The following STIL variants were observed in gnomAD, a reference collection of about 807,000 sequenced individuals.
The protein encoded by STIL is SCL-interrupting locus protein.
STIL carries 55 observed loss-of-function variants against 110.1 expected under a neutral mutation model. The ratio of observed to expected loss-of-function variants is 0.50; its 90% CI spans 0.40 to 0.63. STIL has a LOEUF of 0.63. Ranked by LOEUF, STIL falls within the 20% of genes least tolerant of loss-of-function variation. The pLI, the probability that STIL is intolerant of heterozygous loss-of-function variation, is 0.00. For missense variants in STIL, 1,358 were observed against 1,530.0 expected, an observed-to-expected ratio of 0.89 and a Z score of 1.87; for synonymous variants, 481 against 530.0, an observed-to-expected ratio of 0.91 and a Z score of 1.27.
At position 47,259,446 on chromosome 1, in the gene STIL, G is replaced by A. The variant is rs781190013; in HGVS notation, c.3080+843C>T. The stretch of plus-strand genomic sequence containing the variant: ...GCTGAGATTACAGGCGCCCGCCACC[G>A]CACCCATCTAATTTTTGTATTTTTA... On this transcript the variant is annotated intron_variant, in intron 16 of 16. Transcript: ENST00000371877. 1.1e-4 allele frequency among the ~76,000 whole-genome samples: 16 copies of A among 150,130 alleles called. No individual in the cohort carries two copies. In the East Asian group the frequency reaches 2.2e-3, roughly 20 times the overall value.
At position 47,251,561 on chromosome 1, in the gene STIL, T is replaced by C. The variant is rs1410535020; in HGVS notation, c.3442A>G (p.Ser1148Gly). ...DEEEPPDNAD[S>G]KSEYLLNQNL... ...TGATTCAATAAATATTCACTCTTGC[T>C]ATCTGCATTGTCGGGAGGTTCCTCT... Residue 1148 changes from serine (S) to glycine (G), a missense_variant, in exon 17 of 17, where the codon AGC (serine) becomes GGC (glycine). Ser to Gly is a moderately conservative substitution (Grantham distance 56, BLOSUM62 0). Coordinates refer to ENST00000371877, the MANE Select transcript of STIL (RefSeq NM_001048166.1). 1 of 1,614,142 alleles carries C rather than the reference T, an allele frequency of 6.2e-7. No homozygotes were observed. Among genetic ancestry groups the C allele is most frequent in the South Asian group, 1.1e-5 (1 of 91,078 alleles).
intron 3 of STIL, among the ~76,000 whole-genome samples, chr1:47,303,956 T>A (rs1006578705): frequency 6.6e-6 from 1 of 152,200 alleles, no homozygotes; most frequent in Non-Finnish European, 1.5e-5. Flanking sequence ...TATGAAATAC[T>A]TTCTATTCCA....
At chr1:47,311,530 A>ATCAGCCT (rs1281970292) in intron 1 of STIL, among the ~76,000 whole-genome samples, 1 of 151,542 alleles carries the variant, frequency 6.6e-6, no homozygotes, top group Non-Finnish European at 1.5e-5. Flanking sequence ...AAAGCAATCC[A>ATCAGCCT]TCAGCCTTTG....
chr1:47,300,358 T>C (rs1415628988), intron 5 of STIL, among the ~76,000 whole-genome samples: 1 of 152,190 alleles, frequency 6.6e-6, no homozygotes, highest in Non-Finnish European at 1.5e-5. Context: ...TAAGATTTAC[T>C]GTCCCAAGCT....
Position 47,311,200 on chromosome 1 carries a change from T to C in STIL, c.-43-838A>G, listed in dbSNP as rs147509687. 5.8e-3 allele frequency among the ~76,000 whole-genome samples: 875 copies of C among 151,798 alleles called. 8 individuals carry two copies. The highest frequency in any genetic ancestry group is 0.02 in the African/African-American group (822 of 41,388). ...CTCTGGGTACTATCCTCCACTCCCATTGCTTCTACACCTACTTATCTATAG... is the reference window on the plus strand; with the variant it reads ...CTCTGGGTACTATCCTCCACTCCCACTGCTTCTACACCTACTTATCTATAG... On this transcript the variant is annotated intron_variant, in intron 1 of 16. Coordinates refer to ENST00000371877, the MANE Select transcript of STIL (RefSeq NM_001048166.1).
chr1:47,265,783 CAAAAAAAAA>C (rs1179019596), intron 14 of STIL, among the ~76,000 whole-genome samples: 2 of 65,606 alleles, frequency 3.0e-5, no homozygotes, highest in South Asian at 7.6e-4. Context: ...AAGACTGTCT[CAAAAAAAAA>C]AAAAAAAAAA....
chr1:47,259,276 G>A (rs2405786), intron 16 of STIL, among the ~76,000 whole-genome samples: 3 of 132,904 alleles, frequency 2.3e-5, no homozygotes, highest in Non-Finnish European at 3.2e-5. Flanking sequence ...GTGAGGTACC[G>A]CGCCCGGCCT....
chr1:47,313,407 C>A (rs543481798), intron 1 of STIL, among the ~76,000 whole-genome samples: 1 of 151,188 alleles, frequency 6.6e-6, no homozygotes, highest in African/African-American at 2.4e-5. Flanking sequence ...ACAATCCAGC[C>A]CCACTCTATT....
intron 2 of STIL, among the ~76,000 whole-genome samples, chr1:47,307,584 T>C (rs973711596): frequency 1.3e-5 from 2 of 152,146 alleles, no homozygotes; most frequent in African/African-American, 4.8e-5. Flanking sequence ...GTATATCGTC[T>C]CAGGACCCTG....
chr1:47,274,105 C>G lies in STIL; in HGVS notation c.2218-1864G>C, dbSNP rs527320100. Among the ~76,000 whole-genome samples the G allele has an allele frequency of 1.2e-4, 19 of 152,266 alleles. No homozygotes were observed. In the East Asian group the frequency reaches 3.7e-3, roughly 29 times the overall value. ...ACTAAGTAAGCACTTTACACACACA[C>G]ACACACTCATTTAATCTTTAAATCT... is the stretch of plus-strand genomic sequence containing the variant. On this transcript the variant is annotated intron_variant, in intron 12 of 16. Coordinates refer to ENST00000371877, the MANE Select transcript of STIL (RefSeq NM_001048166.1).
chr1:47,280,560 T>C lies in STIL; in HGVS notation c.1898A>G (p.Gln633Arg). ...ANTVGSIQDVQSEALQKHSLF... is the reference protein window; with the variant it reads ...ANTVGSIQDVRSEALQKHSLF... Reference sequence around the variant, plus strand: ...TGAATGCTTTTGAAGGGCTTCAGACTGGACATCTTGAATGGATCCAACTGT... The same window carrying C: ...TGAATGCTTTTGAAGGGCTTCAGACCGGACATCTTGAATGGATCCAACTGT... The change falls in exon 12 of 17, where the codon CAG (glutamine) becomes CGG (arginine). Residue 633 changes from glutamine to arginine, a missense_variant. Gln to Arg is a conservative substitution (Grantham distance 43). Transcript: ENST00000371877. 2 of 1,614,274 alleles carry C rather than the reference T, an allele frequency of 1.2e-6. No homozygotes were observed. Among genetic ancestry groups the C allele is most frequent in the Non-Finnish European group, 1.7e-6 (2 of 1,180,056 alleles).
rs1015666748 is a variant in STIL at position 47,308,331 on chromosome 1, G to A, written c.44+1945C>T. ...CCTTTTATTTCTCAAGGCAGCGGACGCTTAGGAAAACAGAAAAGAACCTAC... is the reference window on the plus strand; with the variant it reads ...CCTTTTATTTCTCAAGGCAGCGGACACTTAGGAAAACAGAAAAGAACCTAC... On this transcript the variant is annotated intron_variant, in intron 2 of 16. Transcript: ENST00000371877. Among the ~76,000 whole-genome samples, 7 of 151,320 alleles carry A rather than the reference G, an allele frequency of 4.6e-5. 1 individual carries two copies. The South Asian group carries it at 8.3e-4, about 18-fold the overall frequency.
At chr1:47,269,589 AT>A (rs756396287) in intron 14 of STIL, 45 bp downstream of exon 14, 289 of 1,522,336 alleles carry the variant, frequency 1.9e-4, no homozygotes, top group Non-Finnish European at 2.4e-4. Context: ...ATCAAAAAAA[AT>A]TTTTTTTGAA....
intron 8 of STIL, among the ~76,000 whole-genome samples, chr1:47,291,059 T>TA (rs1254646257): frequency 6.6e-6 from 1 of 152,064 alleles, no homozygotes; most frequent in Non-Finnish European, 1.5e-5. Flanking sequence ...CCTGACCACC[T>TA]ATTTAAATTG....
At chr1:47,294,383 A>C (rs1233870064) in intron 7 of STIL, among the ~76,000 whole-genome samples, 1 of 152,264 alleles carries the variant, frequency 6.6e-6, no homozygotes, top group Non-Finnish European at 1.5e-5. Context: ...ATTATCAAGC[A>C]TAACACTGTA....
In STIL at chr1:47,304,929, G is replaced by C; in HGVS notation, c.112C>G (p.Pro38Ala). ...PSKCALWNPT[P>A]TGDFIYLHLS... ...TGTAAGTAGATGAAATCTCCAGTTGGCGTTGGGTTCCAAAGTGCACATTTT... is the reference window on the plus strand; with the variant it reads ...TGTAAGTAGATGAAATCTCCAGTTGCCGTTGGGTTCCAAAGTGCACATTTT... The change falls in exon 3 of 17, where the codon CCA (proline) becomes GCA (alanine). Residue 38 changes from proline (P) to alanine (A), a missense_variant. By Grantham distance (27) the Pro-to-Ala change is conservative. Transcript: ENST00000371877. 5 of 1,613,974 alleles carry C rather than the reference G, an allele frequency of 3.1e-6. No homozygotes were observed. Among genetic ancestry groups the C allele is most frequent in the Non-Finnish European group, 3.4e-6 (4 of 1,179,922 alleles).
At chr1:47,276,072 G>T (rs1644982851) in intron 12 of STIL, among the ~76,000 whole-genome samples, 1 of 150,302 alleles carries the variant, frequency 6.7e-6, no homozygotes, top group Admixed American at 6.6e-5. Context: ...GTGTGATCTT[G>T]GCTCACTGCA....
intron 12 of STIL, among the ~76,000 whole-genome samples, chr1:47,274,111 C>G (rs1644918256): frequency 6.6e-6 from 1 of 151,974 alleles, no homozygotes; most frequent in Non-Finnish European, 1.5e-5. Flanking sequence ...CACACACACA[C>G]TCATTTAATC....
At chr1:47,296,060 C>A in intron 6 of STIL, among the ~76,000 whole-genome samples, 1 of 152,140 alleles carries the variant, frequency 6.6e-6, no homozygotes, top group East Asian at 1.9e-4. Flanking sequence ...CTTAAAACTT[C>A]CATCTATCAA....
Sources: gnomAD v4.1 joint callset for allele counts (sites outside exome capture counted in the v4.1 genomes callset) on GRCh38, gnomAD v4.1.1 for gene constraint, MANE v1.5 for transcripts, NCBI Gene and HGNC (gene_info 2026-07-23, HGNC 2026-07-21) for gene names.